Variants in CAMK4 observed in about 807,000 individuals in gnomAD.
CAMK4 encodes calcium/calmodulin-dependent protein kinase type IV.
A neutral mutation model predicts 44.9 loss-of-function variants in CAMK4; 22 were observed. The ratio of observed to expected loss-of-function variants is 0.49; its 90% CI spans 0.35 to 0.70. The LOEUF is 0.70. Among genes scored for constraint, CAMK4 ranks in the 30% least tolerant of loss-of-function variants. CAMK4 has a pLI of 0.01. For missense variants in CAMK4, 498 were observed against 586.8 expected (o/e 0.85, Z 1.56); for synonymous variants, 218 against 215.4 (o/e 1.01, Z -0.11).
intron 1 of CAMK4, among the ~76,000 whole-genome samples, chr5:111,234,251 G>T (rs889677642): frequency 6.6e-6 from 1 of 152,120 alleles, no homozygotes; most frequent in African/African-American, 2.4e-5. Flanking sequence ...AAATCATATT[G>T]CAAGGTGTGT....
intron 2 of CAMK4, among the ~76,000 whole-genome samples, chr5:111,363,483 C>T (rs1206521873): frequency 1.3e-5 from 2 of 152,060 alleles, no homozygotes; most frequent in African/African-American, 2.4e-5. Context: ...TCCTTTCTGT[C>T]ATAGAACTCA....
intron 1 of CAMK4, among the ~76,000 whole-genome samples, chr5:111,309,859 C>T (rs1183260088): frequency 6.6e-6 from 1 of 152,118 alleles, no homozygotes; most frequent in South Asian, 2.1e-4. Context: ...GTCTCAGTGT[C>T]ATGTGGAGGT....
chr5:111,252,848 C>T (rs551031776), intron 1 of CAMK4, among the ~76,000 whole-genome samples: 51 of 152,274 alleles, frequency 3.3e-4, no homozygotes, highest in Non-Finnish European at 5.0e-4. Context: ...GTGAAAACAG[C>T]ATTGTATAGA....
intron 5 of CAMK4, among the ~76,000 whole-genome samples, chr5:111,442,622 A>G (rs1753868113): frequency 6.7e-6 from 1 of 150,120 alleles, no homozygotes; most frequent in Non-Finnish European, 1.5e-5. Flanking sequence ...TGCAGAAGCA[A>G]ATATGAAAGT....
At chr5:111,348,191 T>G (rs577778839) in intron 2 of CAMK4, among the ~76,000 whole-genome samples, 1 of 152,120 alleles carries the variant, frequency 6.6e-6, no homozygotes, top group African/African-American at 2.4e-5. Context: ...ATAAAATAAT[T>G]AGGAAGAATT....
intron 5 of CAMK4, among the ~76,000 whole-genome samples, chr5:111,426,048 A>G (rs572513145): frequency 8.2e-4 from 125 of 152,234 alleles, no homozygotes; most frequent in African/African-American, 2.9e-3. Flanking sequence ...TCTTATATTC[A>G]TGTGTAAAGT....
chr5:111,483,632 C>T (rs1755506627), intron 10 of CAMK4, among the ~76,000 whole-genome samples: 1 of 152,122 alleles, frequency 6.6e-6, no homozygotes, highest in African/African-American at 2.4e-5. Flanking sequence ...AGGATTTCTC[C>T]AGCTAGTTTG....
At chr5:111,371,846 T>C (rs896872350) in intron 2 of CAMK4, among the ~76,000 whole-genome samples, 29 of 152,188 alleles carry the variant, frequency 1.9e-4, no homozygotes, top group African/African-American at 6.5e-4. Flanking sequence ...TTCTTAGGCT[T>C]CTTTACTTTC....
In CAMK4 at chr5:111,494,500, G is replaced by A. The variant is rs975367295; in HGVS notation, c.*10034G>A. On this transcript the variant is annotated 3_prime_UTR_variant, in exon 11 of 11. Transcript: ENST00000282356. ...AGCTACAGTATTCTTCAATGGTGGT[G>A]ACTGACCAGTGAGTTTCTACTTCTT... The A allele has an allele frequency of 6.6e-6, 1 of 152,122 alleles. No homozygotes were observed. The highest frequency in any genetic ancestry group is 2.4e-5 in the African/African-American group (1 of 41,430). The allele number at this position is 152,122 out of a possible 1,614,324, so 9.4% of individuals were successfully genotyped here. A position where few individuals can be genotyped will look rare whatever the true frequency, so the allele number is the denominator to read the frequency against.
chr5:111,409,601 A>G (rs1752560682), intron 5 of CAMK4, among the ~76,000 whole-genome samples: 1 of 152,256 alleles, frequency 6.6e-6, no homozygotes, highest in South Asian at 2.1e-4. Context: ...AAATTTCTAC[A>G]GCAGGCTTGA....
intron 1 of CAMK4, among the ~76,000 whole-genome samples, chr5:111,285,501 G>C (rs961096259): frequency 5.3e-5 from 8 of 152,190 alleles, no homozygotes; most frequent in Non-Finnish European, 1.2e-4. Context: ...TAAAAGTGCT[G>C]CCCAAACTGA....
intron 7 of CAMK4, among the ~76,000 whole-genome samples, chr5:111,451,308 T>C (rs534437572): frequency 1.3e-5 from 2 of 152,144 alleles, no homozygotes; most frequent in African/African-American, 4.8e-5. Flanking sequence ...ATTTATCAAT[T>C]ATTGCTTTTA....
At chr5:111,344,435 C>CACACACACAT (rs1561427112) in intron 2 of CAMK4, among the ~76,000 whole-genome samples, 1 of 146,438 alleles carries the variant, frequency 6.8e-6, no homozygotes, top group East Asian at 2.0e-4. Flanking sequence ...CACACACATA[C>CACACACACAT]ACACACACAC....
chr5:111,417,276 G>A (rs892547921), intron 5 of CAMK4, among the ~76,000 whole-genome samples: 2 of 151,158 alleles, frequency 1.3e-5, no homozygotes, highest in African/African-American at 4.9e-5. Flanking sequence ...CCAGGCTGGA[G>A]TGCAGTGGCC....
At chr5:111,452,768 T>C (rs935649365) in intron 7 of CAMK4, among the ~76,000 whole-genome samples, 1 of 152,156 alleles carries the variant, frequency 6.6e-6, no homozygotes, top group African/African-American at 2.4e-5. Context: ...AGATGGTAAA[T>C]AATGAGGAAA....
chr5:111,369,691 A>T (rs892894584), intron 2 of CAMK4, among the ~76,000 whole-genome samples: 2 of 152,164 alleles, frequency 1.3e-5, no homozygotes, highest in Middle Eastern at 6.8e-3. Flanking sequence ...TGGTTCCAAG[A>T]CCCCTGCAGA....
chr5:111,485,198 C>G lies in CAMK4; in HGVS notation c.*732C>G, dbSNP rs1242484798. 6.6e-6 allele frequency: 1 copy of G among 152,142 alleles called. No individual in the cohort carries two copies. Among genetic ancestry groups the G allele is most frequent in the African/African-American group, 2.4e-5 (1 of 41,422 alleles). The allele number at this position is 152,142 out of a possible 1,614,324, so 9.4% of individuals were successfully genotyped here. On this transcript the variant is annotated 3_prime_UTR_variant, in exon 11 of 11. Transcript: ENST00000282356. ...AGTTCCATTCTTTCCTTCACCTGCT[C>G]TCCAATAAGATGACTTTCTGATAGA...
chr5:111,467,609 C>T (rs59573487), intron 7 of CAMK4, among the ~76,000 whole-genome samples: 1,693 of 152,178 alleles, frequency 0.011, 29 homozygotes, highest in African/African-American at 0.038. Context: ...AAATGCCTAA[C>T]ATCACTAATG....
At chr5:111,271,542 G>A (rs1324651085) in intron 1 of CAMK4, among the ~76,000 whole-genome samples, 1 of 152,204 alleles carries the variant, frequency 6.6e-6, no homozygotes, top group Non-Finnish European at 1.5e-5. Context: ...CAATTGGATT[G>A]GCTAGTGGGA....
Sources: gnomAD v4.1 joint callset for allele counts (sites outside exome capture counted in the v4.1 genomes callset) on GRCh38, gnomAD v4.1.1 for gene constraint, MANE v1.5 for transcripts, NCBI Gene and HGNC (gene_info 2026-07-23, HGNC 2026-07-21) for gene names.